GRK4: variants seen among roughly 807,000 people sequenced by gnomAD.
GRK4 encodes G protein-coupled receptor kinase 4.
GRK4 carries 73 observed loss-of-function variants against 77.9 expected under a neutral mutation model. The observed-to-expected ratio is 0.94, with a 90% CI of 0.78 to 1.14. The LOEUF is 1.14. Among genes scored for constraint, GRK4 ranks in the 50% most tolerant of loss-of-function variants. The pLI is 0.00. For missense variants in GRK4, 729 were observed against 700.2 expected, an observed-to-expected ratio of 1.04 and a Z score of -0.46; for synonymous variants, 257 against 254.4, an observed-to-expected ratio of 1.01 and a Z score of -0.10.
At chr4:2,989,499 C>A (rs140030851) in intron 3 of GRK4, among the ~76,000 whole-genome samples, 1 of 152,084 alleles carries the variant, frequency 6.6e-6, no homozygotes, top group African/African-American at 2.4e-5. Flanking sequence ...CTGCAACCTC[C>A]GCCTCCTGGG....
intron 1 of GRK4, among the ~76,000 whole-genome samples, chr4:2,979,690 G>A (rs752169596): frequency 3.9e-5 from 6 of 152,200 alleles, no homozygotes; most frequent in Non-Finnish European, 8.8e-5. Flanking sequence ...TCCAGCCTGG[G>A]CAACAAGAGT....
At chr4:2,983,167 C>T (rs1025051223) in intron 1 of GRK4, among the ~76,000 whole-genome samples, 2 of 152,144 alleles carry the variant, frequency 1.3e-5, no homozygotes, top group African/African-American at 4.8e-5. Flanking sequence ...TATCTCTAGC[C>T]GAGCCTCTTC....
chr4:3,034,112 C>G (rs1739923206), intron 12 of GRK4, among the ~76,000 whole-genome samples: 1 of 152,104 alleles, frequency 6.6e-6, no homozygotes, highest in Non-Finnish European at 1.5e-5. Flanking sequence ...GGAGGATCCC[C>G]TCAGGCTGTG....
chr4:3,008,230 T>A (rs1191277023), intron 6 of GRK4, among the ~76,000 whole-genome samples: 1 of 152,228 alleles, frequency 6.6e-6, no homozygotes, highest in Non-Finnish European at 1.5e-5. Context: ...ATGGCAGGTA[T>A]CCCTGTTGGT....
intron 4 of GRK4, among the ~76,000 whole-genome samples, chr4:2,995,539 G>T (rs1345078495): frequency 6.6e-6 from 1 of 150,578 alleles, no homozygotes; most frequent in Non-Finnish European, 1.5e-5. Flanking sequence ...AAATTAACTG[G>T]ATGTGGTGGT....
chr4:2,977,243 A>G (rs190627874), intron 1 of GRK4, among the ~76,000 whole-genome samples: 383 of 152,314 alleles, frequency 2.5e-3, no homozygotes, highest in African/African-American at 8.9e-3. Flanking sequence ...CTTCCTCGGT[A>G]TGATGAGTAA....
At chr4:3,037,591 GTGTGTGTGTC>G (rs1269303691) in intron 14 of GRK4, 80 bp downstream of exon 14, 14 of 1,467,162 alleles carry the variant, frequency 9.5e-6, no homozygotes, top group African/African-American at 2.8e-5. Context: ...GTCCGTGTGT[GTGTGTGTGTC>G]TGTGTGTATT....
chr4:3,018,343 A>C (rs973208387), intron 8 of GRK4, among the ~76,000 whole-genome samples: 1 of 152,196 alleles, frequency 6.6e-6, no homozygotes, highest in Non-Finnish European at 1.5e-5. Flanking sequence ...AATGTTACTG[A>C]TACCATTTAC....
intron 4 of GRK4, among the ~76,000 whole-genome samples, chr4:2,997,035 G>C (rs995053599): frequency 6.6e-6 from 1 of 152,136 alleles, no homozygotes; most frequent in African/African-American, 2.4e-5. Context: ...AGAACTCCTT[G>C]AGGTCACTTA....
chr4:2,985,163 G>C (rs545398215), intron 2 of GRK4, among the ~76,000 whole-genome samples: 22 of 150,990 alleles, frequency 1.5e-4, no homozygotes, highest in African/African-American at 5.4e-4. Context: ...CTGTAATCCC[G>C]GCACTTTGGG....
At chr4:2,973,723 G>A (rs558018735) in intron 1 of GRK4, among the ~76,000 whole-genome samples, 1 of 152,142 alleles carries the variant, frequency 6.6e-6, no homozygotes, top group Non-Finnish European at 1.5e-5. Flanking sequence ...GAACACCGTG[G>A]TCAGCTTCTG....
chr4:3,003,687 G>C (rs886725072), intron 4 of GRK4, among the ~76,000 whole-genome samples: 5 of 152,124 alleles, frequency 3.3e-5, no homozygotes, highest in African/African-American at 1.2e-4. Context: ...TGGGTGTGCA[G>C]ATACCTGTTT....
intron 3 of GRK4, among the ~76,000 whole-genome samples, chr4:2,989,048 G>C (rs1219394147): frequency 2.0e-5 from 3 of 152,142 alleles, no homozygotes; most frequent in South Asian, 2.1e-4. Flanking sequence ...CGGGCGTGGT[G>C]GCGCGTGCCT....
At chr4:3,037,102 T>TGTGTGTGA (rs1740947562) in intron 13 of GRK4, among the ~76,000 whole-genome samples, 1 of 138,380 alleles carries the variant, frequency 7.2e-6, no homozygotes, top group African/African-American at 2.8e-5. Flanking sequence ...TGTGTGTGTG[T>TGTGTGTGA]GAGAAAGAGG....
At chr4:3,037,262 GGA>G in intron 13 of GRK4, 110 bp from the exon 14 acceptor site, 1 of 1,013,092 alleles carries the variant, frequency 9.9e-7, no homozygotes. Flanking sequence ...ATGGAGACAG[GGA>G]GAGTGGCGGT....
chr4:3,034,356 T>C (rs1392967947), intron 12 of GRK4, among the ~76,000 whole-genome samples: 1 of 152,176 alleles, frequency 6.6e-6, no homozygotes, highest in African/African-American at 2.4e-5. Flanking sequence ...TAAGGCCAGA[T>C]GGTAAACAGC....
intron 12 of GRK4, among the ~76,000 whole-genome samples, chr4:3,030,957 C>T (rs547906226): frequency 1.6e-4 from 24 of 152,180 alleles, no homozygotes; most frequent in African/African-American, 5.1e-4. Flanking sequence ...GGCTTTGCAG[C>T]GATTCAGGTG....
At chr4:3,012,361 G>A (rs1205666600) in intron 7 of GRK4, among the ~76,000 whole-genome samples, 2 of 152,152 alleles carry the variant, frequency 1.3e-5, no homozygotes, top group Non-Finnish European at 2.9e-5. Flanking sequence ...ATGAAAGGCT[G>A]GAGTGGTGGG....
At chr4:3,039,646 C>G (rs376902685) in intron 15 of GRK4, among the ~76,000 whole-genome samples, 7 of 144,134 alleles carry the variant, frequency 4.9e-5, no homozygotes, top group African/African-American at 1.8e-4. Context: ...TACAGGGAGC[C>G]GAGACTGCAC....
Sources: allele counts gnomAD v4.1 joint callset (sites outside exome capture counted in the v4.1 genomes callset), GRCh38; gene constraint gnomAD v4.1.1; transcripts MANE v1.5; gene names NCBI Gene and HGNC (gene_info 2026-07-23, HGNC 2026-07-21).